Variants in DOP1A observed in about 807,000 individuals in gnomAD.
DOP1A encodes protein DOP1A.
DOP1A carries 90 observed loss-of-function variants against 267.6 expected under a neutral mutation model. The observed-to-expected ratio is 0.34, with a 90% CI of 0.28 to 0.40. The LOEUF (loss-of-function observed/expected upper bound fraction) is 0.40, where lower values mean the gene tolerates loss of function less well. DOP1A is among the 10% of genes least tolerant of loss of function. DOP1A has a pLI of 1.00. For synonymous variants in DOP1A, 932 were observed against 999.1 expected (o/e 0.93, Z 1.27); for missense variants, 2,437 against 2,900.4 (o/e 0.84, Z 3.67).
At chr6:83,107,864 A>G (rs1046055306) in intron 4 of DOP1A, among the ~76,000 whole-genome samples, 9 of 152,240 alleles carry the variant, frequency 5.9e-5, no homozygotes, top group African/African-American at 1.9e-4. Flanking sequence ...GGAATTCTTC[A>G]GTATAGCTGG....
intron 31 of DOP1A, 125 bp downstream of exon 31, chr6:83,153,745 T>A (rs1782186344): frequency 8.5e-7 from 1 of 1,173,312 alleles, no homozygotes; most frequent in Non-Finnish European, 1.2e-6. Context: ...TATAATTGTT[T>A]AAAAAAATTC....
chr6:83,110,022 C>T, intron 5 of DOP1A, 103 bp from the exon 6 acceptor site: 1 of 1,219,678 alleles, frequency 8.2e-7, no homozygotes, highest in Non-Finnish European at 1.1e-6. Flanking sequence ...GAACATATGA[C>T]TGTAGCATGG....
In DOP1A at chr6:83,120,700, A is replaced by G. The variant is rs1317372647; in HGVS notation, c.1008A>G (p.Leu336=). 5.1e-6 allele frequency: 8 copies of G among 1,581,336 alleles called. No individual in the cohort carries two copies. The highest frequency in any genetic ancestry group is 2.2e-5 in the East Asian group (1 of 44,448). ...TTTTAAAGGCAATGGTGGGAATCTT[A>G]CAAGTGAATGGATTTGGAGAAGAGA... The part of the protein sequence containing the change: ...ELLVQAMVGI[L]QVNGFGEENT... The change falls in exon 10 of 39, where the codon TTA becomes TTG. Residue 336 remains leucine, a synonymous_variant. Transcript: ENST00000349129.
chr6:83,132,700 AATG>A (rs1778268302), intron 18 of DOP1A, among the ~76,000 whole-genome samples: 1 of 152,164 alleles, frequency 6.6e-6, no homozygotes, highest in African/African-American at 2.4e-5. Flanking sequence ...ATATATATGA[AATG>A]AAATAATGTA....
At chr6:83,110,817 T>C (rs769345384) in intron 6 of DOP1A, among the ~76,000 whole-genome samples, 31 of 152,184 alleles carry the variant, frequency 2.0e-4, no homozygotes, top group Non-Finnish European at 4.4e-5. Context: ...CTGCATATGA[T>C]TATGACATTA....
At chr6:83,139,357 G>A (rs1779272854) in intron 21 of DOP1A, among the ~76,000 whole-genome samples, 195 bp downstream of exon 21, 1 of 151,974 alleles carries the variant, frequency 6.6e-6, no homozygotes, top group African/African-American at 2.4e-5. Flanking sequence ...AATGGAAAAG[G>A]GAAGGAATAT....
intron 10 of DOP1A, 42 bp from the exon 11 acceptor site, chr6:83,121,888 A>G: frequency 6.4e-7 from 1 of 1,565,950 alleles, no homozygotes; most frequent in South Asian, 1.2e-5. Context: ...TGATTTGCTC[A>G]TGCTGATTAA....
At chr6:83,170,985 TAA>T (rs1198147400), downstream of DOP1A, 1 of 153,824 alleles carries the variant, frequency 6.5e-6, no homozygotes, top group African/African-American at 2.4e-5. Context: ...CTCTGTGAAC[TAA>T]ACATAATGCA....
At chr6:83,081,256 C>T (rs1284702581) in intron 1 of DOP1A, among the ~76,000 whole-genome samples, 2 of 152,072 alleles carry the variant, frequency 1.3e-5, no homozygotes, top group African/African-American at 4.8e-5. Context: ...TACAGGCATG[C>T]ACCACCATGC....
intron 4 of DOP1A, among the ~76,000 whole-genome samples, chr6:83,107,682 TAGG>T (rs1202423398): frequency 6.6e-6 from 1 of 152,176 alleles, no homozygotes; most frequent in Admixed American, 6.5e-5. Context: ...CTAGTCTAAT[TAGG>T]AGATAATCTC....
chr6:83,109,237 A>T (rs953042563), intron 5 of DOP1A, among the ~76,000 whole-genome samples, 157 bp downstream of exon 5: 1 of 152,220 alleles, frequency 6.6e-6, no homozygotes, highest in African/African-American at 2.4e-5. Context: ...ATTATAGTTT[A>T]TCTAGTCTAT....
At chr6:83,086,142 T>C (rs556396117) in intron 1 of DOP1A, among the ~76,000 whole-genome samples, 93 of 152,188 alleles carry the variant, frequency 6.1e-4, no homozygotes, top group Middle Eastern at 3.4e-3. Context: ...GACCCATGAA[T>C]CGAAAATCCA....
intron 19 of DOP1A, 149 bp downstream of exon 19, chr6:83,134,436 A>G (rs1273803914): frequency 1.7e-6 from 1 of 594,176 alleles, no homozygotes; most frequent in Non-Finnish European, 2.7e-6. Context: ...CGTAAGCTGT[A>G]TTAAAATGCA....
At chr6:83,087,634 T>C (rs1167805341) in intron 1 of DOP1A, among the ~76,000 whole-genome samples, 1 of 152,204 alleles carries the variant, frequency 6.6e-6, no homozygotes, top group Non-Finnish European at 1.5e-5. Flanking sequence ...CTGTATTGCA[T>C]ATCATTTCTA....
At chr6:83,125,945 A>G (rs1280241737) in intron 15 of DOP1A, among the ~76,000 whole-genome samples, 3 of 152,168 alleles carry the variant, frequency 2.0e-5, no homozygotes, top group Middle Eastern at 6.8e-3. Context: ...TGTGAATGGC[A>G]TATGTAATTC....
chr6:83,142,463 A>T, intron 24 of DOP1A, among the ~76,000 whole-genome samples: 1 of 152,094 alleles, frequency 6.6e-6, no homozygotes, highest in East Asian at 1.9e-4. Flanking sequence ...AGCCAAGATC[A>T]TGCCACTGCA....
rs1407645457 is a variant in DOP1A at position 83,101,136 on chromosome 6, CT to C, written c.320+251del. Among the ~76,000 whole-genome samples, 3 of 152,242 alleles carry C rather than the reference CT, an allele frequency of 2.0e-5. No individual in the cohort carries two copies. In the East Asian group the frequency reaches 5.8e-4, roughly 30 times the overall value. On this transcript the variant is annotated intron_variant, in intron 4 of 38. Coordinates refer to ENST00000349129, the MANE Select transcript of DOP1A (RefSeq NM_015018.4). ...GTTCACGCCATTCTCCTGCCTCAGC[CT>C]CCCCAGCAGCTGGGACTACAGGCGC...
At chr6:83,154,359 A>T (rs1782307823) in intron 33 of DOP1A, 118 bp downstream of exon 33, 2 of 900,056 alleles carry the variant, frequency 2.2e-6, no homozygotes, top group East Asian at 5.0e-5. Flanking sequence ...GTCAAGTGTC[A>T]GTGGGGATAT....
chr6:83,096,437 C>G (rs1357239158), intron 1 of DOP1A, among the ~76,000 whole-genome samples: 1 of 149,476 alleles, frequency 6.7e-6, no homozygotes, highest in African/African-American at 2.5e-5. Context: ...AAAGTAAAGT[C>G]TAATTCCAAA....
Sources: gnomAD v4.1 joint callset for allele counts (sites outside exome capture counted in the v4.1 genomes callset) on GRCh38, gnomAD v4.1.1 for gene constraint, MANE v1.5 for transcripts, NCBI Gene and HGNC (gene_info 2026-07-23, HGNC 2026-07-21) for gene names.